Variants in NEBL observed in about 807,000 individuals in gnomAD.
NEBL encodes LIM and SH3 protein 2.
NEBL carries 122 observed loss-of-function variants against 140.2 expected under a neutral mutation model. The observed-to-expected ratio is 0.87, with a 90% CI of 0.75 to 1.01. The LOEUF is 1.01. Among genes scored for constraint, NEBL ranks in the 50% least tolerant of loss-of-function variants. The pLI is 0.00. For synonymous variants in NEBL, 436 were observed against 398.9 expected (o/e 1.09, Z -1.11); for missense variants, 1,365 against 1,231.3 (o/e 1.11, Z -1.62).
intron 3 of NEBL, among the ~76,000 whole-genome samples, chr10:21,187,301 A>G (rs1158192718): frequency 6.6e-6 from 1 of 152,034 alleles, no homozygotes. Context: ...ATTTCTTCAT[A>G]ACGGCATGAG....
At chr10:21,203,508 T>A (rs910991317) in intron 3 of NEBL, among the ~76,000 whole-genome samples, 1 of 152,182 alleles carries the variant, frequency 6.6e-6, no homozygotes, top group Non-Finnish European at 1.5e-5. Flanking sequence ...CAGCAGATAA[T>A]TTTCTATTTT....
At chr10:20,831,355 G>T in intron 15 of NEBL, 49 bp from the exon 16 acceptor site, 1 of 1,526,936 alleles carries the variant, frequency 6.5e-7, no homozygotes, top group South Asian at 1.1e-5. Context: ...CTTTAATAGC[G>T]ATGTTGAAAT....
In NEBL at chr10:21,005,491, T is replaced by C. The variant is rs1350654694; in HGVS notation, c.249+14626A>G. Among the ~76,000 whole-genome samples the C allele has an allele frequency of 2.7e-4, 40 of 147,088 alleles. 1 individual carries two copies. On this transcript the variant is annotated intron_variant, in intron 3 of 6. Coordinates refer to the NEBL transcript ENST00000417816. ...GGCTTGCACCTGTAATCCCAGAAGT[T>C]TGCAAGGTCAAGATGGGGGGATCGC...
In NEBL at chr10:21,038,451, A is replaced by T. The variant is rs190880341; in HGVS notation, c.165-18250T>A. Among the ~76,000 whole-genome samples, 49 of 151,650 alleles carry T rather than the reference A, an allele frequency of 3.2e-4. No homozygotes were observed. In the East Asian group the frequency reaches 4.3e-3, roughly 13 times the overall value. On this transcript the variant is annotated intron_variant, in intron 2 of 6. Transcript: ENST00000417816. ...TGTTCAACTCCCACTTATGAGTGAG[A>T]ACATGCAGTGTTTGGTTTTCTTGTC...
chr10:21,222,621 A>C (rs1842086657), intron 3 of NEBL, among the ~76,000 whole-genome samples: 1 of 152,214 alleles, frequency 6.6e-6, no homozygotes, highest in Admixed American at 6.5e-5. Context: ...GGTACATAGT[A>C]GGTGTATATA....
At chr10:20,839,730 C>T (rs1222527923) in intron 13 of NEBL, among the ~76,000 whole-genome samples, 1 of 152,100 alleles carries the variant, frequency 6.6e-6, no homozygotes, top group Non-Finnish European at 1.5e-5. Flanking sequence ...CTCCCCCAAT[C>T]CCAGACACAA....
chr10:20,848,225 T>C (rs991488258), intron 11 of NEBL, among the ~76,000 whole-genome samples: 2 of 152,220 alleles, frequency 1.3e-5, no homozygotes, highest in African/African-American at 4.8e-5. Flanking sequence ...GAAAAGAATG[T>C]ATAAAATACT....
chr10:21,241,994 G>C (rs1842445905), intron 3 of NEBL, among the ~76,000 whole-genome samples: 1 of 152,004 alleles, frequency 6.6e-6, no homozygotes, highest in African/African-American at 2.4e-5. Context: ...TTGAGCCCAG[G>C]AGTTCAAGGC....
chr10:21,044,899 T>G (rs1413970614), intron 2 of NEBL, among the ~76,000 whole-genome samples: 4 of 152,174 alleles, frequency 2.6e-5, no homozygotes, highest in Non-Finnish European at 5.9e-5. Context: ...ACAAAAATAC[T>G]TAATGAATAA....
intron 2 of NEBL, among the ~76,000 whole-genome samples, chr10:21,049,602 A>G (rs1176524048): frequency 2.6e-5 from 4 of 152,084 alleles, no homozygotes; most frequent in African/African-American, 4.8e-5. Context: ...ACACCTGTCA[A>G]ATGCCACAAT....
At chr10:21,193,213 A>G (rs1397589218) in intron 3 of NEBL, among the ~76,000 whole-genome samples, 1 of 152,150 alleles carries the variant, frequency 6.6e-6, no homozygotes, top group Non-Finnish European at 1.5e-5. Flanking sequence ...ATGGGGGAAG[A>G]CGTGGGTGAG....
At chr10:20,952,265 C>T (rs556735090) in intron 4 of NEBL, among the ~76,000 whole-genome samples, 3 of 151,960 alleles carry the variant, frequency 2.0e-5, no homozygotes, top group East Asian at 1.9e-4. Context: ...GGTAAAACCC[C>T]GTCTCTACTA....
intron 2 of NEBL, among the ~76,000 whole-genome samples, chr10:21,164,974 T>C (rs1313987739): frequency 6.6e-6 from 1 of 152,246 alleles, no homozygotes; most frequent in Non-Finnish European, 1.5e-5. Flanking sequence ...AACTCTAACA[T>C]GCCACAATAT....
intron 2 of NEBL, among the ~76,000 whole-genome samples, chr10:21,149,252 C>A (rs1376693626): frequency 6.6e-6 from 1 of 152,162 alleles, no homozygotes; most frequent in Non-Finnish European, 1.5e-5. Context: ...CCCTTCCTCA[C>A]CTTACGCACC....
intron 1 of NEBL, among the ~76,000 whole-genome samples, chr10:21,278,259 G>A (rs545075383): frequency 4.6e-5 from 7 of 152,258 alleles, no homozygotes; most frequent in African/African-American, 1.7e-4. Context: ...TGGCCACACA[G>A]CAAGACGCCG....
chr10:21,291,068 T>C (rs1447741953), intron 1 of NEBL, among the ~76,000 whole-genome samples: 1 of 152,206 alleles, frequency 6.6e-6, no homozygotes, highest in Admixed American at 6.5e-5. Context: ...TCAGTAAAGT[T>C]ATTTCTGTCT....
At chr10:20,841,254 A>G in intron 12 of NEBL, 1 of 182,520 alleles carries the variant, frequency 5.5e-6, no homozygotes, top group South Asian at 1.1e-4. Context: ...TACAAAATCA[A>G]AAGGAGTGAT....
upstream of NEBL, among the ~76,000 whole-genome samples, chr10:20,902,147 T>C (rs1315927201): frequency 6.6e-6 from 1 of 152,128 alleles, no homozygotes; most frequent in Non-Finnish European, 1.5e-5. Flanking sequence ...CTCACGCTTG[T>C]AATCCCAGCA....
At chr10:21,100,366 A>G (rs1837421295) in intron 2 of NEBL, among the ~76,000 whole-genome samples, 1 of 152,172 alleles carries the variant, frequency 6.6e-6, no homozygotes, top group Non-Finnish European at 1.5e-5. Flanking sequence ...CTGAAAAATG[A>G]GGAGCTCACT....
Sources: allele counts gnomAD v4.1 joint callset (sites outside exome capture counted in the v4.1 genomes callset), GRCh38; gene constraint gnomAD v4.1.1; transcripts MANE v1.5; gene names NCBI Gene and HGNC (gene_info 2026-07-23, HGNC 2026-07-21).